Variants in ZNF782 observed in about 807,000 individuals in gnomAD.
ZNF782 encodes the protein zinc finger protein 782.
A neutral mutation model predicts 13.0 loss-of-function variants in ZNF782; 12 were observed. The ratio of observed to expected loss-of-function variants is 0.92; its 90% CI spans 0.59 to 1.50. The LOEUF (loss-of-function observed/expected upper bound fraction) is 1.50, where lower values mean the gene tolerates loss of function less well. Among genes scored for constraint, ZNF782 ranks in the 40% most tolerant of loss-of-function variants. The pLI is 0.00. For missense variants in ZNF782, 770 were observed against 822.9 expected (o/e 0.94, Z 0.79); for synonymous variants, 284 against 283.0 (o/e 1.00, Z -0.04).
chr9:96,869,477 G>A (rs1851799152), intron 1 of ZNF782, among the ~76,000 whole-genome samples: 1 of 152,146 alleles, frequency 6.6e-6, no homozygotes, highest in Non-Finnish European at 1.5e-5. Context: ...ACAGTGCAGT[G>A]AGTCCCATGA....
intron 3 of ZNF782, among the ~76,000 whole-genome samples, chr9:96,847,205 G>A (rs1357489134): frequency 6.6e-6 from 1 of 152,074 alleles, no homozygotes; most frequent in East Asian, 1.9e-4. Flanking sequence ...AGTTTATAGT[G>A]TTAAATGCCT....
the ZNF782 span, among the ~76,000 whole-genome samples, chr9:96,925,622 C>T: frequency 1.6e-5 from 2 of 125,606 alleles, no homozygotes; most frequent in Admixed American, 1.6e-4. Context: ...GAGCAAGACT[C>T]TATCTCAAAA....
rs144367811 is a variant in ZNF782, at chr9:96,819,943, T to C, written c.245-165A>G. ...AGTACATATTCCCCATATTCCCTTT[T>C]TAGCTTAAATTTTTTTTTGTAGTAG... On this transcript the variant is annotated intron_variant, in intron 5 of 5. Transcript: ENST00000481138. Among the ~76,000 whole-genome samples the C allele has an allele frequency of 4.8e-3, 728 of 152,166 alleles. 2 individuals carry two copies. The highest frequency in any genetic ancestry group is 6.2e-3 in the Non-Finnish European group (424 of 68,026).
chr9:96,841,024 A>G (rs1451635616), intron 4 of ZNF782, among the ~76,000 whole-genome samples: 1 of 151,980 alleles, frequency 6.6e-6, no homozygotes, highest in Non-Finnish European at 1.5e-5. Flanking sequence ...CAAAAAAATA[A>G]AAGAGCAAGA....
chr9:96,865,554 C>G (rs891335688), intron 1 of ZNF782, among the ~76,000 whole-genome samples: 1 of 152,152 alleles, frequency 6.6e-6, no homozygotes, highest in Non-Finnish European at 1.5e-5. Flanking sequence ...TTGGGTATGT[C>G]TTCATCAGCA....
At chr9:96,868,532 C>G (rs1321622943) in intron 1 of ZNF782, among the ~76,000 whole-genome samples, 1 of 152,142 alleles carries the variant, frequency 6.6e-6, no homozygotes, top group Non-Finnish European at 1.5e-5. Flanking sequence ...TTCATGTTTT[C>G]AAAGAAATGA....
Position 96,861,416 on chromosome 9 carries a change from A to T in ZNF782, c.-381+112T>A, listed in dbSNP as rs557048552. On this transcript the variant is annotated intron_variant, in intron 2 of 5. Coordinates refer to the ZNF782 transcript ENST00000498811. ...AAAAAAATCTAATCATCTGATTTTT[A>T]AAATGGGCAAAATATCTGAATACAC... The T allele has an allele frequency of 7.2e-5, 11 of 152,430 alleles. No homozygotes were observed. The South Asian group carries it at 1.7e-3, about 23-fold the overall frequency. The allele number at this position is 152,430 out of a possible 1,614,324, so 9.4% of individuals were successfully genotyped here.
chr9:96,832,419 A>G (rs1850835358), intron 4 of ZNF782, among the ~76,000 whole-genome samples: 1 of 152,182 alleles, frequency 6.6e-6, no homozygotes, highest in Non-Finnish European at 1.5e-5. Flanking sequence ...ATCTACCAGC[A>G]TTTTTACTCT....
chr9:96,905,639 A>G, the ZNF782 span, among the ~76,000 whole-genome samples: 3 of 151,466 alleles, frequency 2.0e-5, no homozygotes, highest in East Asian at 2.0e-4. Flanking sequence ...GTGCTGGAGT[A>G]CAGTGGCGCG....
the ZNF782 span, among the ~76,000 whole-genome samples, chr9:96,917,887 C>CGCGCGT: frequency 1.6e-5 from 2 of 121,682 alleles, no homozygotes; most frequent in African/African-American, 7.2e-5. Context: ...CCACCCTTGG[C>CGCGCGT]GTGTGTGTGT....
At chr9:96,925,230 C>T in the ZNF782 span, among the ~76,000 whole-genome samples, 2 of 152,048 alleles carry the variant, frequency 1.3e-5, no homozygotes, top group Non-Finnish European at 2.9e-5. Context: ...GCGTGGAGCC[C>T]GCCCTGGGAG....
intron 3 of ZNF782, 78 bp from the exon 4 acceptor site, chr9:96,845,094 T>C: frequency 1.3e-6 from 2 of 1,554,004 alleles, no homozygotes; most frequent in African/African-American, 1.4e-5. Context: ...TAACTCATTA[T>C]GTTTACTGTT....
chr9:96,913,013 G>A, the ZNF782 span, among the ~76,000 whole-genome samples: 3 of 151,838 alleles, frequency 2.0e-5, no homozygotes, highest in East Asian at 5.9e-4. Flanking sequence ...AAGGTTATTG[G>A]TATTTAAAAT....
In ZNF782 at chr9:96,818,434, CCT is replaced by C; in HGVS notation, c.1587_1588del (p.Lys532AlafsTer5). The C allele has an allele frequency of 6.2e-7, 1 of 1,614,172 alleles. No homozygotes were observed. The highest frequency in any genetic ancestry group is 1.1e-5 in the South Asian group (1 of 91,086). ...CTGATTACATTTGTAGGGCTTCTCC[CCT>C]GTGTGTGTTCTATGATGTTTCCTCA... is the stretch of plus-strand genomic sequence containing the variant. On this transcript the variant is annotated frameshift_variant, in exon 6 of 6. Transcript: ENST00000481138. LOFTEE classifies it low-confidence loss of function (END_TRUNC).
chr9:96,921,603 C>G, the ZNF782 span, among the ~76,000 whole-genome samples: 4 of 137,996 alleles, frequency 2.9e-5, no homozygotes, highest in Non-Finnish European at 4.7e-5. Flanking sequence ...GCTCACACCT[C>G]TAATCCCAGC....
upstream of ZNF782, among the ~76,000 whole-genome samples, chr9:96,879,341 C>A (rs147661050): frequency 2.4e-3 from 360 of 152,076 alleles, 2 homozygotes; most frequent in African/African-American, 7.5e-3. Context: ...ACAAAAACAA[C>A]AACAACAAAA....
the ZNF782 span, among the ~76,000 whole-genome samples, chr9:96,930,429 C>G: frequency 3.4e-4 from 51 of 149,206 alleles, no homozygotes; most frequent in Middle Eastern, 3.5e-3. Flanking sequence ...GAGGCTGAGG[C>G]AGGAGAAGTG....
upstream of ZNF782, among the ~76,000 whole-genome samples, chr9:96,878,410 G>A (rs1851920011): frequency 6.6e-6 from 1 of 152,166 alleles, no homozygotes; most frequent in Admixed American, 6.6e-5. Flanking sequence ...TTTAGACACT[G>A]CAAATTTGAT....
At chr9:96,901,328 G>C in the ZNF782 span, among the ~76,000 whole-genome samples, 1 of 139,870 alleles carries the variant, frequency 7.1e-6, no homozygotes, top group Non-Finnish European at 1.5e-5. Flanking sequence ...CTGGAGTGCA[G>C]TGGTGCAATC....
Sources: gnomAD v4.1 joint callset for allele counts (sites outside exome capture counted in the v4.1 genomes callset) on GRCh38, gnomAD v4.1.1 for gene constraint, MANE v1.5 for transcripts, NCBI Gene and HGNC (gene_info 2026-07-23, HGNC 2026-07-21) for gene names.